The following LIPC variants were observed in gnomAD, a reference collection of about 807,000 sequenced individuals.
LIPC encodes the protein hepatic triacylglycerol lipase.
LIPC carries 44 observed loss-of-function variants against 50.7 expected under a neutral mutation model. The ratio of observed to expected loss-of-function variants is 0.87; its 90% confidence interval spans 0.68 to 1.11. The LOEUF is 1.11. LIPC is among the 50% of genes most tolerant of loss of function. The pLI, the probability that LIPC is intolerant of heterozygous loss-of-function variation, is 0.00. For synonymous variants in LIPC, 271 were observed against 256.4 expected (o/e 1.06, Z -0.54); for missense variants, 697 against 648.2 (o/e 1.08, Z -0.82).
At chr15:58,456,066 A>G (rs901293099) in intron 1 of LIPC, 4 of 152,252 alleles carry the variant, frequency 2.6e-5, no homozygotes, top group Non-Finnish European at 5.9e-5. Context: ...AGAGAGCCGT[A>G]AAGCATGGTA....
chr15:58,548,046 T>C (rs979382681), intron 5 of LIPC, among the ~76,000 whole-genome samples: 2 of 152,306 alleles, frequency 1.3e-5, no homozygotes, highest in Admixed American at 6.5e-5. Flanking sequence ...CTTGGGTGCC[T>C]ATTAAAATGC....
intron 1 of LIPC, among the ~76,000 whole-genome samples, chr15:58,527,757 C>T (rs755559722): frequency 7.9e-5 from 12 of 152,122 alleles, no homozygotes; most frequent in South Asian, 2.1e-4. Flanking sequence ...ATAGTAGGTG[C>T]TTAATAAATG....
intron 1 of LIPC, chr15:58,436,245 A>T (rs1893290335): frequency 1.3e-5 from 2 of 158,696 alleles, no homozygotes; most frequent in African/African-American, 4.8e-5. Context: ...TCTGCATGTA[A>T]ACAGTAGATT....
rs1348706692 is a variant in LIPC, at chr15:58,548,385, C to T, written c.864C>T (p.Asp288=). ...SHERSVHLFI[D]SLLHAGTQSM... ...AGCGATCGGTGCACCTTTTCATCGA[C>T]TCCTTGCTGCACGCCGGCACGCAGA... is the stretch of plus-strand genomic sequence containing the variant. Residue 288 remains aspartate, a synonymous_variant, in exon 6 of 9, where the codon GAC becomes GAT. Transcript: ENST00000299022. 4 of 1,614,204 alleles carry T rather than the reference C, an allele frequency of 2.5e-6. No individual in the cohort carries two copies. Among genetic ancestry groups the T allele is most frequent in the Non-Finnish European group, 3.4e-6 (4 of 1,180,036 alleles).
intron 6 of LIPC, among the ~76,000 whole-genome samples, chr15:58,550,645 T>C (rs564749419): frequency 1.3e-5 from 2 of 152,052 alleles, no homozygotes; most frequent in Non-Finnish European, 2.9e-5. Flanking sequence ...GATGAGTTCC[T>C]TGGAGACCAC....
chr15:58,445,079 G>A (rs996676022), intron 1 of LIPC, among the ~76,000 whole-genome samples: 3 of 152,336 alleles, frequency 2.0e-5, no homozygotes, highest in South Asian at 2.1e-4. Context: ...CCGGCTGGCC[G>A]GCCGCTAGCA....
At chr15:58,503,358 G>A (rs1892048833) in intron 1 of LIPC, among the ~76,000 whole-genome samples, 1 of 152,150 alleles carries the variant, frequency 6.6e-6, no homozygotes, top group South Asian at 2.1e-4. Context: ...AGTGGAGGGG[G>A]CAGAGTCCAA....
intron 1 of LIPC, among the ~76,000 whole-genome samples, chr15:58,468,384 C>T (rs1894652670): frequency 6.6e-6 from 1 of 152,158 alleles, no homozygotes; most frequent in South Asian, 2.1e-4. Flanking sequence ...ATGTTAGGGT[C>T]TCACCCCAGA....
At chr15:58,482,065 A>C (rs1442879917) in intron 1 of LIPC, among the ~76,000 whole-genome samples, 2 of 152,166 alleles carry the variant, frequency 1.3e-5, no homozygotes. Flanking sequence ...ATATGGACTA[A>C]ATTTTTTAGC....
At chr15:58,557,171 G>A (rs1025302972) in intron 6 of LIPC, among the ~76,000 whole-genome samples, 7 of 152,006 alleles carry the variant, frequency 4.6e-5, no homozygotes, top group African/African-American at 7.2e-5. Flanking sequence ...TGTGTGAGCC[G>A]ACGCCCCAGC....
chr15:58,468,026 T>G (rs1041942845), intron 1 of LIPC, among the ~76,000 whole-genome samples: 3 of 152,152 alleles, frequency 2.0e-5, no homozygotes, highest in Non-Finnish European at 4.4e-5. Flanking sequence ...CCTATAAATG[T>G]TGAGAAGATT....
At chr15:58,471,365 C>G (rs1188941151) in intron 1 of LIPC, among the ~76,000 whole-genome samples, 6 of 147,156 alleles carry the variant, frequency 4.1e-5, no homozygotes, top group African/African-American at 1.5e-4. Flanking sequence ...CCAAGCTGGT[C>G]TCGAACTCTT....
At chr15:58,511,906 T>C (rs1180249406) in intron 1 of LIPC, among the ~76,000 whole-genome samples, 1 of 152,128 alleles carries the variant, frequency 6.6e-6, no homozygotes, top group Non-Finnish European at 1.5e-5. Context: ...AGACAAAACA[T>C]TGAGTTATAA....
chr15:58,442,962 G>C (rs1380636750), intron 1 of LIPC, among the ~76,000 whole-genome samples: 1 of 152,210 alleles, frequency 6.6e-6, no homozygotes, highest in Non-Finnish European at 1.5e-5. Flanking sequence ...GCCCAGGCTG[G>C]AGTGCAGTGG....
intron 6 of LIPC, among the ~76,000 whole-genome samples, chr15:58,553,842 T>C (rs1893840443): frequency 1.3e-5 from 2 of 152,126 alleles, no homozygotes; most frequent in Non-Finnish European, 2.9e-5. Flanking sequence ...AGCAACACCC[T>C]GGACAACACC....
At chr15:58,530,602 C>A (rs1252888498) in intron 1 of LIPC, among the ~76,000 whole-genome samples, 1 of 152,208 alleles carries the variant, frequency 6.6e-6, no homozygotes, top group Non-Finnish European at 1.5e-5. Context: ...ACCATGATCA[C>A]CATCAAGATG....
At chr15:58,487,306 A>G (rs139264834) in intron 1 of LIPC, among the ~76,000 whole-genome samples, 2 of 152,322 alleles carry the variant, frequency 1.3e-5, no homozygotes, top group African/African-American at 4.8e-5. Flanking sequence ...GAAGGATAAC[A>G]TCTCTCCCTC....
At chr15:58,551,783 T>C (rs1893770273) in intron 6 of LIPC, among the ~76,000 whole-genome samples, 1 of 152,240 alleles carries the variant, frequency 6.6e-6, no homozygotes. Context: ...TGTATTTTAG[T>C]GCAGGGTCTG....
Position 58,560,924 on chromosome 15 carries a change from CT to C in LIPC, c.1116del (p.Phe372LeufsTer42), listed in dbSNP as rs1894138626. On this transcript the variant is annotated frameshift_variant, in exon 7 of 9. Coordinates refer to ENST00000299022, the MANE Select transcript of LIPC (RefSeq NM_000236.3). LOFTEE classifies it high-confidence loss of function. ...INQTETPIQT[T>X]FTMSLLGTKE... ...CAAACTGAGACACCAATACAAACAA[CT>C]TTTACCATGTCACTACTCGGAACAA... The C allele has an allele frequency of 1.3e-6, 2 of 1,570,456 alleles. No individual in the cohort carries two copies. Among genetic ancestry groups the C allele is most frequent in the Non-Finnish European group, 1.8e-6 (2 of 1,140,014 alleles).
Sources: gnomAD v4.1 joint callset for allele counts (sites outside exome capture counted in the v4.1 genomes callset) on GRCh38, gnomAD v4.1.1 for gene constraint, MANE v1.5 for transcripts, NCBI Gene and HGNC (gene_info 2026-07-23, HGNC 2026-07-21) for gene names.